The following EHBP1 variants were observed in gnomAD, a reference collection of about 807,000 sequenced individuals.
EHBP1 encodes the protein EH domain-binding protein 1.
Under a neutral mutation model 144.0 loss-of-function variants are expected in EHBP1, and 55 were observed. The observed-to-expected ratio is 0.38, with a 90% CI of 0.31 to 0.48. The LOEUF (loss-of-function observed/expected upper bound fraction) is 0.48. Ranked by LOEUF, EHBP1 falls within the 20% of genes least tolerant of loss-of-function variation. EHBP1 has a pLI of 0.98. For missense variants in EHBP1, 1,200 were observed against 1,364.2 expected, an observed-to-expected ratio of 0.88 and a Z score of 1.90; for synonymous variants, 469 against 472.7, an observed-to-expected ratio of 0.99 and a Z score of 0.10.
At chr2:62,963,822 T>A (rs2058111499) in intron 14 of EHBP1, among the ~76,000 whole-genome samples, 1 of 152,234 alleles carries the variant, frequency 6.6e-6, no homozygotes, top group Non-Finnish European at 1.5e-5. Context: ...TGAGCTGGAA[T>A]GTCTATGCCC....
At chr2:62,824,551 C>T (rs908708377) in intron 5 of EHBP1, among the ~76,000 whole-genome samples, 3 of 151,996 alleles carry the variant, frequency 2.0e-5, no homozygotes, top group African/African-American at 4.8e-5. Flanking sequence ...GGTATAGTCA[C>T]ATCTGTTCAA....
chr2:62,754,975 G>T (rs559350576), intron 3 of EHBP1, among the ~76,000 whole-genome samples: 2 of 152,124 alleles, frequency 1.3e-5, no homozygotes, highest in Non-Finnish European at 2.9e-5. Context: ...GCTCATGCTC[G>T]ATGGGCTGCA....
At chr2:62,819,823 T>C (rs993028881) in intron 5 of EHBP1, among the ~76,000 whole-genome samples, 3 of 150,456 alleles carry the variant, frequency 2.0e-5, no homozygotes, top group African/African-American at 7.3e-5. Context: ...ATAAAATGGA[T>C]AGATAAATCG....
At chr2:62,793,542 G>C (rs774392182) in intron 5 of EHBP1, among the ~76,000 whole-genome samples, 1 of 152,076 alleles carries the variant, frequency 6.6e-6, no homozygotes, top group Non-Finnish European at 1.5e-5. Flanking sequence ...TCAACAAGTA[G>C]ATCATATAAA....
At chr2:62,722,034 T>C (rs573024073) in intron 2 of EHBP1, among the ~76,000 whole-genome samples, 2 of 152,328 alleles carry the variant, frequency 1.3e-5, no homozygotes, top group South Asian at 4.1e-4. Flanking sequence ...TCTTAAGCTA[T>C]TTTGTATGTA....
At chr2:62,743,605 A>G (rs895176434) in intron 2 of EHBP1, among the ~76,000 whole-genome samples, 9 of 152,206 alleles carry the variant, frequency 5.9e-5, no homozygotes, top group Non-Finnish European at 1.3e-4. Flanking sequence ...TTTTCATGTG[A>G]TAGTTTCGGG....
At chr2:62,957,714 C>T (rs553272018) in intron 14 of EHBP1, among the ~76,000 whole-genome samples, 9 of 130,220 alleles carry the variant, frequency 6.9e-5, no homozygotes, top group Admixed American at 3.6e-4. Flanking sequence ...GGTGCGATCT[C>T]GGCTCACTGC....
chr2:62,926,021 A>ACCAAAACTATTCTTT (rs2055477998), intron 10 of EHBP1, among the ~76,000 whole-genome samples: 1 of 152,222 alleles, frequency 6.6e-6, no homozygotes, highest in African/African-American at 2.4e-5. Flanking sequence ...AACTATTCTT[A>ACCAAAACTATTCTTT]CCAAAACAGC....
intron 3 of EHBP1, among the ~76,000 whole-genome samples, chr2:62,752,332 A>C (rs1443954396): frequency 1.3e-5 from 2 of 152,142 alleles, no homozygotes; most frequent in Admixed American, 6.5e-5. Context: ...GTTTGATTGC[A>C]CTGTGGTCTG....
chr2:62,687,333 A>G (rs2033750765), intron 1 of EHBP1, among the ~76,000 whole-genome samples: 1 of 152,224 alleles, frequency 6.6e-6, no homozygotes, highest in Non-Finnish European at 1.5e-5. Context: ...TTCGTTTTGA[A>G]TATTGGAAAT....
intron 19 of EHBP1, among the ~76,000 whole-genome samples, chr2:63,005,570 C>T (rs770032235): frequency 6.6e-5 from 10 of 152,018 alleles, no homozygotes; most frequent in African/African-American, 2.4e-4. Context: ...AGAATAAGAA[C>T]ATATGCATAT....
chr2:62,690,326 G>T (rs1235186119), intron 1 of EHBP1, among the ~76,000 whole-genome samples: 1 of 152,124 alleles, frequency 6.6e-6, no homozygotes, highest in Non-Finnish European at 1.5e-5. Flanking sequence ...CACTTTGAGA[G>T]GCCGAGGGAG....
intron 7 of EHBP1, among the ~76,000 whole-genome samples, chr2:62,852,792 C>T (rs928827602): frequency 4.0e-4 from 61 of 152,178 alleles, no homozygotes; most frequent in African/African-American, 1.3e-3. Context: ...ACAGTGACTG[C>T]AAGAGGCAGG....
chr2:62,841,231 A>G (rs973761955), intron 7 of EHBP1, among the ~76,000 whole-genome samples: 1 of 151,870 alleles, frequency 6.6e-6, no homozygotes, highest in African/African-American at 2.4e-5. Context: ...TCAGTAAACT[A>G]TCGCAAGATC....
At chr2:62,775,857 T>C (rs932416313) in intron 5 of EHBP1, among the ~76,000 whole-genome samples, 1 of 152,156 alleles carries the variant, frequency 6.6e-6, no homozygotes, top group Non-Finnish European at 1.5e-5. Context: ...TATCCAGTCT[T>C]GTCTTTCTCC....
At chr2:62,715,312 C>T (rs944239310) in intron 2 of EHBP1, among the ~76,000 whole-genome samples, 3 of 151,954 alleles carry the variant, frequency 2.0e-5, no homozygotes, top group African/African-American at 7.3e-5. Context: ...GATGGGGTTT[C>T]ACCGTGTTAG....
intron 21 of EHBP1, 114 bp from the exon 22 acceptor site, chr2:63,044,952 A>G (rs1574614411): frequency 9.7e-6 from 7 of 724,760 alleles, no homozygotes; most frequent in Non-Finnish European, 1.6e-5. Flanking sequence ...TAGTGGCTCT[A>G]TAATGTGGTT....
intron 5 of EHBP1, among the ~76,000 whole-genome samples, chr2:62,796,723 T>C (rs929864943): frequency 1.3e-5 from 2 of 152,174 alleles, no homozygotes; most frequent in Non-Finnish European, 2.9e-5. Context: ...TACTGGATTC[T>C]CTCAAAAACC....
At chr2:62,883,467 A>C (rs1433905191) in intron 10 of EHBP1, among the ~76,000 whole-genome samples, 1 of 152,242 alleles carries the variant, frequency 6.6e-6, no homozygotes, top group East Asian at 1.9e-4. Flanking sequence ...TTAGAGACAC[A>C]GTCATATCCA....
Sources: gnomAD v4.1 joint callset for allele counts (sites outside exome capture counted in the v4.1 genomes callset) on GRCh38, gnomAD v4.1.1 for gene constraint, MANE v1.5 for transcripts, NCBI Gene and HGNC (gene_info 2026-07-23, HGNC 2026-07-21) for gene names.